The following WASHC4 variants were observed in gnomAD, a reference collection of about 807,000 sequenced individuals.
WASHC4 encodes WASH complex subunit 7.
WASHC4 carries 86 observed loss-of-function variants against 166.6 expected under a neutral mutation model. The observed-to-expected ratio is 0.52, with a 90% CI of 0.43 to 0.62. The LOEUF (loss-of-function observed/expected upper bound fraction) is 0.62, where lower values mean the gene tolerates loss of function less well. Among genes scored for constraint, WASHC4 ranks in the 20% least tolerant of loss-of-function variants. The probability of loss-of-function intolerance (pLI) is 0.00; values close to 1 mark genes in which losing one functional copy is unlikely to be tolerated. For missense variants in WASHC4, 1,262 were observed against 1,382.4 expected (o/e 0.91, Z 1.38); for synonymous variants, 446 against 451.6 (o/e 0.99, Z 0.16).
Position 105,149,763 on chromosome 12 carries a change from T to C in WASHC4, c.2649+14T>C. 6.3e-7 allele frequency: 1 copy of C among 1,588,146 alleles called. No individual in the cohort carries two copies. Reference sequence around the variant, plus strand: ...AATGATCATAAGGTAGGCTACCTATTCTTTTTAAGGTATTTGATTAAGCTA... The same window carrying C: ...AATGATCATAAGGTAGGCTACCTATCCTTTTTAAGGTATTTGATTAAGCTA... On this transcript the variant is annotated intron_variant, in intron 25 of 32. Coordinates refer to ENST00000332180, the MANE Select transcript of WASHC4 (RefSeq NM_015275.3).
chr12:105,133,485 A>G (rs963943104), intron 13 of WASHC4, among the ~76,000 whole-genome samples: 1 of 152,044 alleles, frequency 6.6e-6, no homozygotes, highest in African/African-American at 2.4e-5. Flanking sequence ...TACTGATTTC[A>G]TTATTATACA....
chr12:105,139,425 G>GTGTGTGTGTATATATATATATATATATA, intron 15 of WASHC4, among the ~76,000 whole-genome samples: 2 of 103,190 alleles, frequency 1.9e-5, no homozygotes, highest in African/African-American at 7.1e-5. Flanking sequence ...ATGTGTGTGT[G>GTGTGTGTGTATATATATATATATATATA]TATATATATA....
Position 105,152,371 on chromosome 12 carries a change from A to G in WASHC4, c.2678A>G (p.Asn893Ser), listed in dbSNP as rs142524116. 3.2e-5 allele frequency: 52 copies of G among 1,601,800 alleles called. No individual in the cohort carries two copies. Among genetic ancestry groups the G allele is most frequent in the Middle Eastern group, 3.3e-4 (2 of 6,036 alleles). Residue 893 changes from asparagine to serine, a missense_variant, in exon 26 of 33, where the codon AAT (asparagine) becomes AGT (serine). Asn to Ser is a conservative substitution (Grantham distance 46). Coordinates refer to ENST00000332180, the MANE Select transcript of WASHC4 (RefSeq NM_015275.3). Reference protein sequence around the residue: ...KYPFDRAEKFNRGIRKLGVTP... With the variant: ...KYPFDRAEKFSRGIRKLGVTP... ...CCTTTTGATAGAGCAGAAAAATTCAATCGAGGCATCAGAAAACTTGGAGTA... is the reference window on the plus strand; with the variant it reads ...CCTTTTGATAGAGCAGAAAAATTCAGTCGAGGCATCAGAAAACTTGGAGTA...
At chr12:105,129,900 C>T (rs1019672043) in intron 13 of WASHC4, among the ~76,000 whole-genome samples, 1 of 152,164 alleles carries the variant, frequency 6.6e-6, no homozygotes, top group African/African-American at 2.4e-5. Context: ...TACCATGTTC[C>T]ATAAAGCATG....
At chr12:105,165,390 AG>A (rs1308575596) in intron 32 of WASHC4, among the ~76,000 whole-genome samples, 1 of 152,192 alleles carries the variant, frequency 6.6e-6, no homozygotes, top group Admixed American at 6.5e-5. Flanking sequence ...TATTTCTCTC[AG>A]ATTTGAAATT....
chr12:105,110,649 A>C (rs928908423), intron 1 of WASHC4, among the ~76,000 whole-genome samples: 8 of 152,242 alleles, frequency 5.3e-5, no homozygotes, highest in Non-Finnish European at 1.2e-4. Flanking sequence ...ATTTAAAAAT[A>C]TTTAGGTGTA....
chr12:105,108,394 CT>C (rs1438599063), intron 1 of WASHC4, among the ~76,000 whole-genome samples: 1 of 152,220 alleles, frequency 6.6e-6, no homozygotes, highest in East Asian at 1.9e-4. Context: ...ACTTTTCACC[CT>C]GCGAAAATAA....
chr12:105,138,198 G>T (rs917499500), intron 15 of WASHC4, among the ~76,000 whole-genome samples, 187 bp downstream of exon 15: 7 of 151,798 alleles, frequency 4.6e-5, no homozygotes, highest in African/African-American at 7.2e-5. Flanking sequence ...CTTATGGCTG[G>T]TCATTATATT....
chr12:105,117,428 CTGTA>C (rs1446406735), intron 6 of WASHC4, among the ~76,000 whole-genome samples: 6 of 152,014 alleles, frequency 3.9e-5, no homozygotes, highest in Non-Finnish European at 7.4e-5. Context: ...CTTATATAGT[CTGTA>C]TGTATATCTG....
At position 105,164,282 on chromosome 12, in the gene WASHC4, A is replaced by G. The variant is rs1224516275; in HGVS notation, c.3329A>G (p.Gln1110Arg). Residue 1110 changes from glutamine to arginine, a missense_variant, in exon 31 of 33, where the codon CAG becomes CGG. Coordinates refer to ENST00000332180, the MANE Select transcript of WASHC4 (RefSeq NM_015275.3). Reference protein sequence around the residue: ...EKLLQTMNLTQKRLDVYLQEF... With the variant: ...EKLLQTMNLTRKRLDVYLQEF... ...CTCTTACAAACCATGAATCTCACTC[A>G]GAAGCGACTGGATGTCTATCTACAG... is the stretch of plus-strand genomic sequence containing the variant. 1 of 1,613,842 alleles carries G rather than the reference A, an allele frequency of 6.2e-7. No homozygotes were observed. The highest frequency in any genetic ancestry group is 8.5e-7 in the Non-Finnish European group (1 of 1,179,896).
At position 105,143,135 on chromosome 12, in the gene WASHC4, C is replaced by A; in HGVS notation, c.1902C>A (p.Phe634Leu). 4.4e-6 allele frequency: 7 copies of A among 1,603,416 alleles called. No individual in the cohort carries two copies. Among genetic ancestry groups the A allele is most frequent in the South Asian group, 1.1e-5 (1 of 90,732 alleles). Residue 634 changes from phenylalanine to leucine, a missense_variant, in exon 20 of 33, where the codon TTC becomes TTA. Coordinates refer to ENST00000332180, the MANE Select transcript of WASHC4 (RefSeq NM_015275.3). ...AVDAARLHYM[F>L]SALRDCVPAM... ...TTTAATTTTCTTCTTAGTACATGTT[C>A]AGTGCTTTGCGCGACTGTGTACCTG... is the stretch of plus-strand genomic sequence containing the variant.
intron 10 of WASHC4, among the ~76,000 whole-genome samples, chr12:105,124,895 T>G (rs1240442364): frequency 1.3e-5 from 2 of 152,204 alleles, no homozygotes; most frequent in Non-Finnish European, 2.9e-5. Flanking sequence ...TGTGGCTATT[T>G]AAATGTAAAT....
chr12:105,131,002 C>A (rs992877463), intron 13 of WASHC4, among the ~76,000 whole-genome samples: 13 of 151,974 alleles, frequency 8.6e-5, no homozygotes, highest in Middle Eastern at 3.2e-3. Flanking sequence ...GGACACTTCA[C>A]GATTTTTGTA....
chr12:105,163,683 G>GT (rs529195955), intron 30 of WASHC4, among the ~76,000 whole-genome samples: 77 of 151,410 alleles, frequency 5.1e-4, no homozygotes, highest in Non-Finnish European at 7.5e-4. Flanking sequence ...AAAAATTTTT[G>GT]TTTTTTTTAG....
intron 7 of WASHC4, among the ~76,000 whole-genome samples, chr12:105,119,608 G>C (rs1157589762): frequency 6.6e-6 from 1 of 152,014 alleles, no homozygotes; most frequent in African/African-American, 2.4e-5. Context: ...AGCTCTCATG[G>C]CAGGAGAGAA....
chr12:105,126,275 A>C lies in WASHC4; in HGVS notation c.951A>C (p.Gly317=). ...TTGACCAGAGAGACAAGTATGTTGG[A>C]ATTTGTGGACTCTTTGTATTGCACT... The part of the protein sequence containing the change: ...SEIDQRDKYV[G]ICGLFVLHFQ... Residue 317 remains glycine, a synonymous_variant, in exon 12 of 33, where the codon GGA becomes GGC. Coordinates refer to ENST00000332180, the MANE Select transcript of WASHC4 (RefSeq NM_015275.3). The C allele has an allele frequency of 6.2e-7, 1 of 1,611,940 alleles. No homozygotes were observed. Among genetic ancestry groups the C allele is most frequent in the Non-Finnish European group, 8.5e-7 (1 of 1,178,456 alleles).
intron 9 of WASHC4, 62 bp from the exon 10 acceptor site, chr12:105,122,056 T>C: frequency 7.7e-7 from 1 of 1,291,032 alleles, no homozygotes. Flanking sequence ...AGGAAAATTT[T>C]TAATTTTTAA....
chr12:105,146,465 T>C lies in WASHC4; in HGVS notation c.2348T>C (p.Leu783Ser). ...SQTLEQGLDV[L>S]EIMRNIHIFV... ...ATTATGTTGTAGGGCCTTGATGTTTTAGAAATTATGAGAAACATTCATATA... is the reference window on the plus strand; with the variant it reads ...ATTATGTTGTAGGGCCTTGATGTTTCAGAAATTATGAGAAACATTCATATA... Residue 783 changes from leucine to serine, a missense_variant, in exon 23 of 33, where the codon TTA (leucine) becomes TCA (serine). Coordinates refer to ENST00000332180, the MANE Select transcript of WASHC4 (RefSeq NM_015275.3). The C allele has an allele frequency of 6.3e-7, 1 of 1,582,932 alleles. No individual in the cohort carries two copies. The highest frequency in any genetic ancestry group is 8.7e-7 in the Non-Finnish European group (1 of 1,151,944).
intron 1 of WASHC4, among the ~76,000 whole-genome samples, chr12:105,110,104 A>G (rs988993086): frequency 2.0e-5 from 3 of 152,202 alleles, no homozygotes; most frequent in Non-Finnish European, 4.4e-5. Context: ...TTGTTTTCCA[A>G]AATTGCCTAG....
Sources: gnomAD v4.1 joint callset for allele counts (sites outside exome capture counted in the v4.1 genomes callset) on GRCh38, gnomAD v4.1.1 for gene constraint, MANE v1.5 for transcripts, NCBI Gene and HGNC (gene_info 2026-07-23, HGNC 2026-07-21) for gene names.